HTR4: variants seen among roughly 807,000 people sequenced by gnomAD.
The protein encoded by HTR4 is 5-hydroxytryptamine receptor 4.
Under a neutral mutation model 36.8 loss-of-function variants are expected in HTR4, and 16 were observed. The observed-to-expected ratio is 0.43, with a 90% CI of 0.29 to 0.66. The LOEUF (loss-of-function observed/expected upper bound fraction) is 0.66, where lower values mean the gene tolerates loss of function less well. Ranked by LOEUF, HTR4 falls within the 30% of genes least tolerant of loss-of-function variation. The probability of loss-of-function intolerance (pLI) is 0.13; values close to 1 mark genes in which losing one functional copy is unlikely to be tolerated. For synonymous variants in HTR4, 189 were observed against 185.1 expected (o/e 1.02, Z -0.17); for missense variants, 438 against 490.9 (o/e 0.89, Z 1.02).
At position 148,502,678 on chromosome 5, in the gene HTR4, A is replaced by G. The variant is rs571851171; in HGVS notation, c.1076+6778T>C. On this transcript the variant is annotated intron_variant, in intron 6 of 6. Coordinates refer to ENST00000377888, the MANE Select transcript of HTR4 (RefSeq NM_000870.7). The stretch of plus-strand genomic sequence containing the variant: ...CTTTGACAAGTTGAGAGAAGGCCTC[A>G]GATGATCAAACTTCTCTGAGCTAAA... 3.9e-5 allele frequency among the ~76,000 whole-genome samples: 6 copies of G among 152,110 alleles called. No individual in the cohort carries two copies. In the East Asian group the frequency reaches 1.2e-3, roughly 29 times the overall value.
At position 148,517,280 on chromosome 5, in the gene HTR4, C is replaced by T. The variant is rs150949004; in HGVS notation, c.507+5913G>A. Among the ~76,000 whole-genome samples the T allele has an allele frequency of 1.0e-3, 153 of 152,230 alleles. 1 individual carries two copies. Among genetic ancestry groups the T allele is most frequent in the African/African-American group, 3.4e-3 (142 of 41,548 alleles). ...CCTTTACTGCCCTTCGTTCCTTAGA[C>T]CTCTTCTATTCTGTATCTACCTGCA... On this transcript the variant is annotated intron_variant, in intron 5 of 6. Coordinates refer to ENST00000377888, the MANE Select transcript of HTR4 (RefSeq NM_000870.7).
intron 2 of HTR4, among the ~76,000 whole-genome samples, chr5:148,606,055 T>A (rs1171259665): frequency 6.6e-6 from 1 of 152,136 alleles, no homozygotes; most frequent in Non-Finnish European, 1.5e-5. Flanking sequence ...GATTTTAATA[T>A]ATATGGAATT....
intron 2 of HTR4, among the ~76,000 whole-genome samples, chr5:148,606,571 T>C (rs1752171586): frequency 6.6e-6 from 1 of 152,208 alleles, no homozygotes; most frequent in Non-Finnish European, 1.5e-5. Flanking sequence ...GTAGAACATT[T>C]AGCACTATTA....
chr5:148,592,085 G>A lies in HTR4; in HGVS notation c.27-41823C>T, dbSNP rs78171968. ...AAGAATGAGATCGTGTCTTCTGTGGGAACATGGATAAAGCTGGAGGCCATT... is the reference window on the plus strand; with the variant it reads ...AAGAATGAGATCGTGTCTTCTGTGGAAACATGGATAAAGCTGGAGGCCATT... On this transcript the variant is annotated intron_variant, in intron 2 of 6. Coordinates refer to ENST00000377888, the MANE Select transcript of HTR4 (RefSeq NM_000870.7). 5.0e-3 allele frequency among the ~76,000 whole-genome samples: 762 copies of A among 152,244 alleles called. 2 individuals are homozygous for A. The highest frequency in any genetic ancestry group is 8.0e-3 in the Non-Finnish European group (547 of 68,020).
At chr5:148,591,555 G>A (rs565590940) in intron 2 of HTR4, among the ~76,000 whole-genome samples, 4 of 152,162 alleles carry the variant, frequency 2.6e-5, no homozygotes, top group African/African-American at 9.6e-5. Context: ...CACCTCCATG[G>A]TTATGTGTAT....
intron 1 of HTR4, among the ~76,000 whole-genome samples, chr5:148,653,168 G>A (rs1477651009): frequency 6.6e-6 from 1 of 152,190 alleles, no homozygotes; most frequent in Non-Finnish European, 1.5e-5. Context: ...GGAAGACAGG[G>A]AGGGCAAACT....
chr5:148,641,260 T>A lies in HTR4; in HGVS notation c.-47-4199A>T, dbSNP rs149974907. Among the ~76,000 whole-genome samples, 27 of 152,304 alleles carry A rather than the reference T, an allele frequency of 1.8e-4. No individual in the cohort carries two copies. In the East Asian group the frequency reaches 4.8e-3, roughly 27 times the overall value. ...GCATCTCCTATGCTCAGGTACAAGT[T>A]GTGTCACTTCTAAAAATTCTGCCAA... On this transcript the variant is annotated intron_variant, in intron 1 of 6. Coordinates refer to ENST00000377888, the MANE Select transcript of HTR4 (RefSeq NM_000870.7).
chr5:148,482,971 G>A lies in HTR4; in HGVS notation c.*232C>T. On this transcript the variant is annotated 3_prime_UTR_variant, in exon 7 of 7. Transcript: ENST00000377888. ...GGCAAAAGCAGAGAATCTGGGAAGA[G>A]GGAGTGTTGGGAAATAAAAAGTGAA... 7.1e-7 allele frequency: 1 copy of A among 1,399,222 alleles called. No homozygotes were observed. The highest frequency in any genetic ancestry group is 2.7e-5 in the East Asian group (1 of 37,332). The allele number at this position is 1,399,222 out of a possible 1,614,324, so 86.7% of individuals were successfully genotyped here.
chr5:148,613,584 G>C (rs1054884526), intron 2 of HTR4, among the ~76,000 whole-genome samples: 1 of 149,968 alleles, frequency 6.7e-6, no homozygotes, highest in Admixed American at 6.7e-5. Flanking sequence ...ATACTGAATG[G>C]GCAAAAACTG....
intron 2 of HTR4, among the ~76,000 whole-genome samples, chr5:148,559,512 T>A (rs1199434478): frequency 6.6e-6 from 1 of 152,188 alleles, no homozygotes; most frequent in African/African-American, 2.4e-5. Context: ...ACCTGAGCAA[T>A]ACTATGTAAT....
intron 1 of HTR4, 57 bp from the exon 2 acceptor site, chr5:148,637,118 G>A: frequency 1.7e-6 from 2 of 1,164,022 alleles, no homozygotes; most frequent in Admixed American, 2.0e-5. Context: ...AAAAATACAA[G>A]TCCTTGTTTT....
intron 2 of HTR4, among the ~76,000 whole-genome samples, chr5:148,613,562 A>T (rs1468500944): frequency 6.7e-6 from 1 of 150,256 alleles, no homozygotes; most frequent in African/African-American, 2.4e-5. Context: ...TGACAAACCC[A>T]CAGCCAATAT....
chr5:148,523,235 G>A lies in HTR4; in HGVS notation c.465C>T (p.Leu155=), dbSNP rs1758106613. The A allele has an allele frequency of 1.2e-6, 2 of 1,613,658 alleles. No homozygotes were observed. The highest frequency in any genetic ancestry group is 2.7e-5 in the African/African-American group (2 of 74,990). ...TGTTATTCCAGCCTTGCATTATAGG[G>A]AGAAAAGAAATAAACGTGGGGATGA... is the stretch of plus-strand genomic sequence containing the variant. ...CWVIPTFISF[L]PIMQGWNNIG... The change falls in exon 5 of 7, where the codon CTC becomes CTT. Residue 155 remains leucine, a synonymous_variant. Coordinates refer to ENST00000377888, the MANE Select transcript of HTR4 (RefSeq NM_000870.7).
At chr5:148,485,404 C>A (rs939682055) in intron 6 of HTR4, among the ~76,000 whole-genome samples, 1 of 152,216 alleles carries the variant, frequency 6.6e-6, no homozygotes, top group African/African-American at 2.4e-5. Flanking sequence ...ATCATTTTGA[C>A]AACTACCACT....
In HTR4 at chr5:148,482,794, T is replaced by C; in HGVS notation, c.*409A>G. The C allele has an allele frequency of 9.5e-7, 1 of 1,048,050 alleles. No individual in the cohort carries two copies. The allele number at this position is 1,048,050 out of a possible 1,614,324, so 64.9% of individuals were successfully genotyped here. A position where few individuals can be genotyped will look rare whatever the true frequency, so the allele number is the denominator to read the frequency against. ...ACAGGAACAGAGAGGGAGTATTTTG[T>C]TGATATCTGGAAGCCCACACAGCAA... On this transcript the variant is annotated 3_prime_UTR_variant, in exon 7 of 7. Coordinates refer to ENST00000377888, the MANE Select transcript of HTR4 (RefSeq NM_000870.7).
chr5:148,490,099 T>G (rs146954744), intron 6 of HTR4, among the ~76,000 whole-genome samples: 26 of 150,856 alleles, frequency 1.7e-4, no homozygotes, highest in African/African-American at 6.3e-4. Context: ...ATTCTAGAAC[T>G]CACCCTTTTG....
At chr5:148,632,463 G>C (rs1393200338) in intron 2 of HTR4, among the ~76,000 whole-genome samples, 2 of 152,116 alleles carry the variant, frequency 1.3e-5, no homozygotes, top group African/African-American at 4.8e-5. Flanking sequence ...GGGACTGCAG[G>C]GTCAGTGAAG....
chr5:148,639,274 G>A (rs1753649600), intron 1 of HTR4, among the ~76,000 whole-genome samples: 1 of 151,900 alleles, frequency 6.6e-6, no homozygotes, highest in South Asian at 2.1e-4. Context: ...ATCACACTTA[G>A]CATACAATCC....
intron 6 of HTR4, among the ~76,000 whole-genome samples, chr5:148,496,234 T>C (rs890103418): frequency 6.6e-6 from 1 of 152,166 alleles, no homozygotes; most frequent in Non-Finnish European, 1.5e-5. Context: ...ACCGTTAATA[T>C]GCATAACAGT....
Sources: gnomAD v4.1 joint callset for allele counts (sites outside exome capture counted in the v4.1 genomes callset) on GRCh38, gnomAD v4.1.1 for gene constraint, MANE v1.5 for transcripts, NCBI Gene and HGNC (gene_info 2026-07-23, HGNC 2026-07-21) for gene names.